LEPR: variants seen among roughly 807,000 people sequenced by gnomAD.
The protein encoded by LEPR is OB receptor.
A neutral mutation model predicts 114.7 loss-of-function variants in LEPR; 56 were observed. The observed-to-expected ratio is 0.49, with a 90% CI of 0.39 to 0.61. The LOEUF is 0.61. LEPR is among the 20% of genes least tolerant of loss of function. LEPR has a pLI of 0.00. For synonymous variants in LEPR, 443 were observed against 461.4 expected (o/e 0.96, Z 0.51); for missense variants, 1,202 against 1,352.9 (o/e 0.89, Z 1.75).
chr1:65,598,493 C>A lies in LEPR; in HGVS notation c.850-167C>A, dbSNP rs572077443. ...ATTTAAAATTTTATTGACTAATGTG[C>A]AAACTTTTTTTTTGGTTATTGATGT... On this transcript the variant is annotated intron_variant, in intron 7 of 19. Transcript: ENST00000349533. Among the ~76,000 whole-genome samples the A allele has an allele frequency of 2.0e-5, 3 of 152,118 alleles. No homozygotes were observed. The East Asian group carries it at 5.8e-4, about 29-fold the overall frequency.
intron 2 of LEPR, among the ~76,000 whole-genome samples, chr1:65,511,004 C>A (rs144097928): frequency 2.5e-4 from 38 of 152,106 alleles, no homozygotes; most frequent in African/African-American, 9.2e-4. Flanking sequence ...CAGAGTGAGA[C>A]CCTGTCTCAC....
chr1:65,534,259 C>G (rs1650600687), intron 2 of LEPR, among the ~76,000 whole-genome samples: 1 of 152,086 alleles, frequency 6.6e-6, no homozygotes, highest in South Asian at 2.1e-4. Context: ...GTTATACACT[C>G]TATTTCTATT....
chr1:65,485,566 G>A (rs896551193), intron 2 of LEPR, among the ~76,000 whole-genome samples: 9 of 151,980 alleles, frequency 5.9e-5, no homozygotes, highest in Admixed American at 4.6e-4. Flanking sequence ...GATCTTCAAG[G>A]TTGCTTACAT....
At chr1:65,596,309 A>T in intron 6 of LEPR, 139 bp from the exon 7 acceptor site, 1 of 1,015,094 alleles carries the variant, frequency 9.9e-7, no homozygotes, top group Non-Finnish European at 1.5e-6. Flanking sequence ...TCGGTTCTAT[A>T]ATTAGTCCTT....
rs543873048 is a variant in LEPR, at chr1:65,553,227, G to A, written c.-20-12319G>A. Among the ~76,000 whole-genome samples the A allele has an allele frequency of 1.2e-4, 19 of 152,162 alleles. No homozygotes were observed. In the South Asian group the frequency reaches 2.9e-3, roughly 23 times the overall value. On this transcript the variant is annotated intron_variant, in intron 2 of 19. Transcript: ENST00000349533. ...GCTCTTCTCGAGGAGTATCTTTGTG[G>A]TGTTCTCGTATTTCTTGAATTTGAA...
At chr1:65,626,011 T>C (rs1161229434) in intron 19 of LEPR, 2 of 907,010 alleles carry the variant, frequency 2.2e-6, no homozygotes, top group South Asian at 1.5e-5. Context: ...AAATCTTACC[T>C]ATGGACCACC....
chr1:65,543,032 G>A (rs373430569), intron 2 of LEPR, among the ~76,000 whole-genome samples: 19 of 151,946 alleles, frequency 1.3e-4, no homozygotes, highest in African/African-American at 4.6e-4. Context: ...CTGAAGAATT[G>A]TCATACTGTC....
At position 65,637,196 on chromosome 1, in the gene LEPR, T is replaced by TTGGTAGA; in HGVS notation, c.*181_*182insTGGTAGA. On this transcript the variant is annotated 3_prime_UTR_variant, in exon 20 of 20. Coordinates refer to ENST00000349533, the MANE Select transcript of LEPR (RefSeq NM_002303.6). ...GACAAAAAATTTGAGAAAGCCTTCA[T>TTGGTAGA]AAGCCTACCAATGTAGACACGCTCT... The TTGGTAGA allele has an allele frequency of 1.6e-6, 1 of 619,758 alleles. No homozygotes were observed. Among genetic ancestry groups the TTGGTAGA allele is most frequent in the Non-Finnish European group, 2.7e-6 (1 of 374,578 alleles). 38.4% of individuals were successfully genotyped at this position (619,758 alleles called of 1,614,324 possible).
In LEPR at chr1:65,633,193, T is replaced by G. The variant is rs757010755; in HGVS notation, c.2674-2998T>G. On this transcript the variant is annotated intron_variant, in intron 19 of 19. Transcript: ENST00000349533. This position sits in a 1 kb window ranked among gnomAD's most constrained non-coding sequence, Gnocchi z 4.1. ...GAAGTCTAATCATGATCACTACAGATGAACCCAATGTGCCAACTTCCCAAC... is the reference window on the plus strand; with the variant it reads ...GAAGTCTAATCATGATCACTACAGAGGAACCCAATGTGCCAACTTCCCAAC... 6.2e-7 allele frequency: 1 copy of G among 1,609,734 alleles called. No individual in the cohort carries two copies. The highest frequency in any genetic ancestry group is 8.5e-7 in the Non-Finnish European group (1 of 1,177,650).
chr1:65,608,231 A>G (rs946263622), intron 11 of LEPR, among the ~76,000 whole-genome samples: 2 of 146,546 alleles, frequency 1.4e-5, no homozygotes, highest in Admixed American at 6.9e-5. Context: ...TCAGCATGGT[A>G]TCTTTTTTTT....
intron 2 of LEPR, among the ~76,000 whole-genome samples, chr1:65,466,581 A>G (rs1393454667): frequency 1.3e-5 from 2 of 152,106 alleles, no homozygotes; most frequent in Non-Finnish European, 2.9e-5. Flanking sequence ...CTGCCTTGCT[A>G]GGTTGGGGAA....
intron 2 of LEPR, among the ~76,000 whole-genome samples, chr1:65,475,194 T>TA: frequency 1.3e-5 from 2 of 152,306 alleles, no homozygotes; most frequent in East Asian, 3.9e-4. Context: ...GTTAATACTA[T>TA]AATTGATGTT....
chr1:65,471,985 G>A (rs1222394089), intron 2 of LEPR, among the ~76,000 whole-genome samples: 1 of 152,062 alleles, frequency 6.6e-6, no homozygotes, highest in East Asian at 1.9e-4. Context: ...TAAACAAAAT[G>A]CCCAAAACAC....
At chr1:65,433,967 G>A in intron 2 of LEPR, 2 of 985,294 alleles carry the variant, frequency 2.0e-6, no homozygotes, top group Non-Finnish European at 2.4e-6. Flanking sequence ...TCTAGTTGGT[G>A]TGCAATAGCT....
chr1:65,616,134 C>T lies in LEPR; in HGVS notation c.2122C>T (p.Gln708Ter). The T allele has an allele frequency of 1.9e-6, 3 of 1,614,188 alleles. No homozygotes were observed. The highest frequency in any genetic ancestry group is 2.5e-6 in the Non-Finnish European group (3 of 1,180,028). The stretch of plus-strand genomic sequence containing the variant: ...GAAATTCACTTTCCTGTGGACAGAG[C>T]AAGCACATACTGTTACGGTTCTGGC... ...HTKFTFLWTE[Q>*]AHTVTVLAIN... The change falls in exon 15 of 20, where the codon CAA becomes TAA. Residue 708 changes from glutamine (Q) to a stop codon, truncating the protein, a stop_gained. Transcript: ENST00000349533. LOFTEE classifies it high-confidence loss of function.
At chr1:65,523,113 G>T (rs1007400431) in intron 2 of LEPR, among the ~76,000 whole-genome samples, 44 of 152,006 alleles carry the variant, frequency 2.9e-4, no homozygotes, top group African/African-American at 1.1e-3. Context: ...GCACAGTATT[G>T]GCACATTATC....
At chr1:65,465,371 T>C (rs941973116) in intron 2 of LEPR, among the ~76,000 whole-genome samples, 1 of 152,356 alleles carries the variant, frequency 6.6e-6, no homozygotes, top group African/African-American at 2.4e-5. Flanking sequence ...CTAATTTTAT[T>C]GCACTGTGGT....
chr1:65,565,590 G>A lies in LEPR; in HGVS notation c.25G>A (p.Val9Ile). MICQKFCV[V>I]LLHWEFIYVI... The stretch of plus-strand genomic sequence containing the variant: ...GATGATTTGTCAAAAATTCTGTGTG[G>A]TTTTGTTACATTGGGGTAAGTTATT... Residue 9 changes from valine (V) to isoleucine (I), a missense_variant, in exon 3 of 20, where the codon GTT (valine) becomes ATT (isoleucine). Coordinates refer to ENST00000349533, the MANE Select transcript of LEPR (RefSeq NM_002303.6). 6.2e-7 allele frequency: 1 copy of A among 1,613,864 alleles called. No individual in the cohort carries two copies. Among genetic ancestry groups the A allele is most frequent in the Non-Finnish European group, 8.5e-7 (1 of 1,179,926 alleles).
chr1:65,426,960 T>G (rs996449636), intron 2 of LEPR, among the ~76,000 whole-genome samples: 25 of 151,628 alleles, frequency 1.6e-4, no homozygotes, highest in Non-Finnish European at 3.2e-4. Context: ...ATCGTGCCAC[T>G]GCACTCTAGC....
Sources: gnomAD v4.1 joint callset for allele counts (sites outside exome capture counted in the v4.1 genomes callset) on GRCh38, gnomAD v4.1.1 for gene constraint, Gnocchi (gnomAD v3.1) non-coding constraint, MANE v1.5 for transcripts, NCBI Gene and HGNC (gene_info 2026-07-23, HGNC 2026-07-21) for gene names.